Variants in DNAJC21 observed in about 807,000 individuals in gnomAD.
DNAJC21 encodes DnaJ heat shock protein family (Hsp40) member C21.
In DNAJC21, 63 loss-of-function variants were observed where a neutral mutation model predicts 72.4. That is an observed-to-expected ratio of 0.87 (90% CI 0.71 to 1.07). The LOEUF (loss-of-function observed/expected upper bound fraction) is 1.07, where lower values mean the gene tolerates loss of function less well. DNAJC21 is among the 50% of genes least tolerant of loss of function. The pLI is 0.00. For missense variants in DNAJC21, 634 were observed against 644.8 expected (o/e 0.98, Z 0.18); for synonymous variants, 203 against 216.7 (o/e 0.94, Z 0.56).
chr5:34,939,069 T>G, intron 6 of DNAJC21, 60 bp downstream of exon 6: 15 of 1,400,680 alleles, frequency 1.1e-5, no homozygotes, highest in South Asian at 1.5e-5. Context: ...GGAAATCTCC[T>G]TGCTTATTTG....
At position 34,929,797 on chromosome 5, in the gene DNAJC21, C is replaced by T; in HGVS notation, c.-23C>T. 1 of 1,351,180 alleles carries T rather than the reference C, an allele frequency of 7.4e-7. No homozygotes were observed. Among genetic ancestry groups the T allele is most frequent in the Non-Finnish European group, 9.7e-7 (1 of 1,030,882 alleles). 83.7% of individuals were successfully genotyped at this position (1,351,180 alleles called of 1,614,324 possible). On this transcript the variant is annotated 5_prime_UTR_variant, in exon 1 of 12. Transcript: ENST00000648817. ...CCCGACCCCGTCCCGGGCCCCAGCG[C>T]CGGCCGCCCGCCCGGTCGGGCGATG...
intron 10 of DNAJC21, chr5:34,951,389 A>G (rs2112098766): frequency 1.0e-6 from 1 of 985,468 alleles, no homozygotes; most frequent in Non-Finnish European, 1.2e-6. Context: ...CTGCCTGACA[A>G]CTTGAAGGCA....
At chr5:34,946,097 C>A (rs1765168831) in intron 9 of DNAJC21, among the ~76,000 whole-genome samples, 1 of 152,024 alleles carries the variant, frequency 6.6e-6, no homozygotes, top group Non-Finnish European at 1.5e-5. Context: ...CTGAATACAT[C>A]TCACAAAAGG....
At chr5:34,952,655 G>T (rs1765410833) in intron 10 of DNAJC21, 1 of 151,996 alleles carries the variant, frequency 6.6e-6, no homozygotes, top group Admixed American at 6.5e-5. Flanking sequence ...AGAACAAGAG[G>T]AACCCAACTA....
rs1415633757 is a variant in DNAJC21 at position 34,954,616 on chromosome 5, C to T, written c.1498C>T (p.His500Tyr). Reference protein sequence around the residue: ...EFPSRNKLFDHLKATGHARAP... With the variant: ...EFPSRNKLFDYLKATGHARAP... ...TCCATCTCGGAATAAACTTTTTGAC[C>T]ATCTAAAGGCCACAGGTCATGCAAG... Residue 500 changes from histidine to tyrosine, a missense_variant, in exon 12 of 12, where the codon CAT (histidine) becomes TAT (tyrosine). Transcript: ENST00000648817. 3.1e-6 allele frequency: 5 copies of T among 1,613,218 alleles called. No homozygotes were observed. Among genetic ancestry groups the T allele is most frequent in the Non-Finnish European group, 4.2e-6 (5 of 1,179,668 alleles).
Position 34,929,856 on chromosome 5 carries a change from G to A in DNAJC21, c.37G>A (p.Asp13Asn), listed in dbSNP as rs1414892776. 1.3e-6 allele frequency: 2 copies of A among 1,578,374 alleles called. No individual in the cohort carries two copies. Among genetic ancestry groups the A allele is most frequent in the Non-Finnish European group, 1.7e-6 (2 of 1,163,098 alleles). The change falls in exon 1 of 12, where the codon GAC (aspartate) becomes AAC (asparagine). Residue 13 changes from aspartate to asparagine, a missense_variant. Coordinates refer to ENST00000648817, the MANE Select transcript of DNAJC21 (RefSeq NM_001012339.3). ...CTATGAGGCGCTGGGGGTGCGGCGC[G>A]ACGCCAGCGAGGAGGAGCTCAAGAA... ...CHYEALGVRR[D>N]ASEEELKKAY... is the part of the protein sequence containing the mutation.
At chr5:34,951,021 TGA>T (rs1765347102) in intron 10 of DNAJC21, 1 of 985,370 alleles carries the variant, frequency 1.0e-6, no homozygotes, top group Non-Finnish European at 1.2e-6. Flanking sequence ...AGAATTAAAG[TGA>T]GAGAGCAAAG....
At chr5:34,942,379 A>G (rs1313334231) in intron 7 of DNAJC21, among the ~76,000 whole-genome samples, 1 of 152,122 alleles carries the variant, frequency 6.6e-6, no homozygotes, top group Admixed American at 6.5e-5. Context: ...TCAGCAAGGG[A>G]AAAAAAGCAA....
At chr5:34,930,043 C>A in intron 1 of DNAJC21, 127 bp downstream of exon 1, 1 of 679,032 alleles carries the variant, frequency 1.5e-6, no homozygotes, top group East Asian at 4.0e-5. Flanking sequence ...GCTCCTTGCC[C>A]CGCCCGGCCA....
At chr5:34,942,779 G>T (rs530778635) in intron 7 of DNAJC21, among the ~76,000 whole-genome samples, 10 of 152,182 alleles carry the variant, frequency 6.6e-5, no homozygotes, top group African/African-American at 2.2e-4. Context: ...TAAGAATAAG[G>T]TTATTCTCGC....
chr5:34,932,092 T>C (rs905039279), intron 1 of DNAJC21, among the ~76,000 whole-genome samples: 2 of 152,172 alleles, frequency 1.3e-5, no homozygotes, highest in African/African-American at 2.4e-5. Context: ...TGTAACTTCT[T>C]AGAAGGGAAG....
rs1218240569 is a variant in DNAJC21 at position 34,937,453 on chromosome 5, A to G, written c.566A>G (p.Lys189Arg). The change falls in exon 5 of 12, where the codon AAA becomes AGA. Residue 189 changes from lysine to arginine, a missense_variant. By Grantham distance (26) the Lys-to-Arg change is conservative. Coordinates refer to ENST00000648817, the MANE Select transcript of DNAJC21 (RefSeq NM_001012339.3). ...WEKRAMEKENKKIRDKARKEK... is the reference protein window; with the variant it reads ...WEKRAMEKENRKIRDKARKEK... ...AAACGAGCCATGGAAAAAGAAAACA[A>G]AAAGATTCGGGACAAAGCAAGGAAA... 1.8e-5 allele frequency: 29 copies of G among 1,614,216 alleles called. No homozygotes were observed. The highest frequency in any genetic ancestry group is 2.5e-5 in the Non-Finnish European group (29 of 1,180,016).
At chr5:34,947,033 G>A (rs1390508836) in intron 9 of DNAJC21, among the ~76,000 whole-genome samples, 2 of 152,090 alleles carry the variant, frequency 1.3e-5, no homozygotes, top group Admixed American at 6.5e-5. Context: ...AGCTCTTTTT[G>A]AAGGGAAGGG....
chr5:34,955,537 TTTTG>T lies in DNAJC21; in HGVS notation c.*826_*829del, dbSNP rs1043271879. On this transcript the variant is annotated 3_prime_UTR_variant, in exon 12 of 12. Coordinates refer to ENST00000648817, the MANE Select transcript of DNAJC21 (RefSeq NM_001012339.3). ...TTTTTTCTTCACTATTTTCAGAAGTTTTTGTTCTTTTTTTTTTTTCCATCACTCA... is the reference window on the plus strand; with the variant it reads ...TTTTTTCTTCACTATTTTCAGAAGTTTTCTTTTTTTTTTTTCCATCACTCA... The T allele has an allele frequency of 1.1e-5, 1 of 87,354 alleles. No homozygotes were observed. The highest frequency in any genetic ancestry group is 3.2e-5 in the African/African-American group (1 of 30,808). 5.4% of individuals were successfully genotyped at this position (87,354 alleles called of 1,614,324 possible).
intron 9 of DNAJC21, among the ~76,000 whole-genome samples, chr5:34,948,862 CA>C (rs755582753): frequency 0.041 from 5,536 of 136,456 alleles, 195 homozygotes; most frequent in African/African-American, 0.1. Flanking sequence ...AAGACTGTCT[CA>C]AAAAAAAAAA....
chr5:34,940,042 A>C (rs1018137963), intron 6 of DNAJC21, among the ~76,000 whole-genome samples: 1 of 152,180 alleles, frequency 6.6e-6, no homozygotes. Flanking sequence ...CGAGTTTTAC[A>C]ATTTATAAAG....
chr5:34,952,102 TGA>T (rs1245295056), intron 10 of DNAJC21: 19 of 984,458 alleles, frequency 1.9e-5, no homozygotes, highest in Non-Finnish European at 2.3e-5. Context: ...GGCCACCTAC[TGA>T]GAAGTGTTTT....
chr5:34,940,138 G>A (rs912020916), intron 6 of DNAJC21, among the ~76,000 whole-genome samples: 8 of 152,104 alleles, frequency 5.3e-5, no homozygotes, highest in South Asian at 2.1e-4. Context: ...CTGTTTTGCC[G>A]TTGTGGAAAC....
At chr5:34,947,656 GT>G (rs11404640) in intron 9 of DNAJC21, among the ~76,000 whole-genome samples, 2,897 of 87,284 alleles carry the variant, frequency 0.033, 72 homozygotes, top group African/African-American at 0.077. Flanking sequence ...TTTTCACCAT[GT>G]TTTTTTTTTT....
Sources: allele counts gnomAD v4.1 joint callset (sites outside exome capture counted in the v4.1 genomes callset), GRCh38; gene constraint gnomAD v4.1.1; transcripts MANE v1.5; gene names NCBI Gene and HGNC (gene_info 2026-07-23, HGNC 2026-07-21).